LRRC55: variants seen among roughly 807,000 people sequenced by gnomAD.
The protein encoded by LRRC55 is leucine rich repeat containing 55, also known as leucine-rich repeat-containing protein 55.
In LRRC55, 11 loss-of-function variants were observed where a neutral mutation model predicts 20.5. The ratio of observed to expected loss-of-function variants is 0.54; its 90% CI spans 0.34 to 0.89. The LOEUF (loss-of-function observed/expected upper bound fraction) is 0.89. Among genes scored for constraint, LRRC55 ranks in the 40% least tolerant of loss-of-function variants. LRRC55 has a pLI of 0.02. For missense variants in LRRC55, 358 were observed against 390.9 expected (o/e 0.92, Z 0.71); for synonymous variants, 188 against 166.6 (o/e 1.13, Z -0.99).
At chr11:57,184,450 G>T (rs531416963) in intron 1 of LRRC55, among the ~76,000 whole-genome samples, 4 of 152,340 alleles carry the variant, frequency 2.6e-5, no homozygotes, top group African/African-American at 7.2e-5. Flanking sequence ...GAAGGGGACA[G>T]TGACTGTCCA....
Position 57,187,294 on chromosome 11 carries a change from G to A in LRRC55, c.711G>A (p.Pro237=), listed in dbSNP as rs716744. 7.7e-4 allele frequency: 1,249 copies of A among 1,614,080 alleles called. 17 individuals carry two copies. In the Admixed American group the frequency reaches 0.019, roughly 24 times the overall value. ...GCCCTCCTGAAGTCGAGGGCGCCCC[G>A]CTCTTCTCACTCACTGAGGAGAGCT... The part of the protein sequence containing the change: ...CRGPPEVEGA[P]LFSLTEESFK... The change falls in exon 2 of 2, where the codon CCG becomes CCA. Residue 237 remains proline, a synonymous_variant. Coordinates refer to ENST00000497933, the MANE Select transcript of LRRC55 (RefSeq NM_001005210.4).
At chr11:57,186,243 A>T (rs1854429854) in intron 1 of LRRC55, among the ~76,000 whole-genome samples, 1 of 152,196 alleles carries the variant, frequency 6.6e-6, no homozygotes, top group African/African-American at 2.4e-5. Flanking sequence ...TGTATCTGGA[A>T]ATGCAACATA....
rs202181573 is a variant in LRRC55, at chr11:57,187,293, C to T, written c.710C>T (p.Pro237Leu). Reference sequence around the variant, plus strand: ...GGCCCTCCTGAAGTCGAGGGCGCCCCGCTCTTCTCACTCACTGAGGAGAGC... The same window carrying T: ...GGCCCTCCTGAAGTCGAGGGCGCCCTGCTCTTCTCACTCACTGAGGAGAGC... ...CRGPPEVEGA[P>L]LFSLTEESFK... The change falls in exon 2 of 2, where the codon CCG (proline) becomes CTG (leucine). Residue 237 changes from proline (P) to leucine (L), a missense_variant. Physicochemically the swap from Pro to Leu is moderately conservative, Grantham distance 98. Transcript: ENST00000497933. 66 of 1,614,106 alleles carry T rather than the reference C, an allele frequency of 4.1e-5. No individual in the cohort carries two copies. The highest frequency in any genetic ancestry group is 1.3e-4 in the East Asian group (6 of 44,870).
rs762953833 is a variant in LRRC55, at chr11:57,189,140, C to T, written c.*1660C>T. 1.3e-5 allele frequency: 2 copies of T among 152,206 alleles called. No homozygotes were observed. The highest frequency in any genetic ancestry group is 2.9e-5 in the Non-Finnish European group (2 of 68,040). The allele number at this position is 152,206 out of a possible 1,614,324, so 9.4% of individuals were successfully genotyped here. ...AGTATTTTTGCATCATTCTCCTTGACTTTTCACATCCCTGTGCAGGAGGTA... is the reference window on the plus strand; with the variant it reads ...AGTATTTTTGCATCATTCTCCTTGATTTTTCACATCCCTGTGCAGGAGGTA... On this transcript the variant is annotated 3_prime_UTR_variant, in exon 2 of 2. Transcript: ENST00000497933.
In LRRC55 at chr11:57,182,513, T is replaced by A; in HGVS notation, c.491T>A (p.Leu164His). Residue 164 changes from leucine (L) to histidine (H), a missense_variant, in exon 1 of 2, where the codon CTC (leucine) becomes CAC (histidine). By Grantham distance (99) the Leu-to-His change is moderately conservative. Coordinates refer to ENST00000497933, the MANE Select transcript of LRRC55 (RefSeq NM_001005210.4). ...CAGGCCTTTCAGGGCCTCATGCAGC[T>A]CCGAGACCTGGACCTCAGTTATGGG... ...HPQAFQGLMQ[L>H]RDLDLSYGGL... 6.3e-7 allele frequency: 1 copy of A among 1,597,468 alleles called. No homozygotes were observed. The highest frequency in any genetic ancestry group is 8.6e-7 in the Non-Finnish European group (1 of 1,169,030).
At position 57,182,485 on chromosome 11, in the gene LRRC55, C is replaced by T. The variant is rs749376964; in HGVS notation, c.463C>T (p.Pro155Ser). 3.1e-6 allele frequency: 5 copies of T among 1,606,902 alleles called. No individual in the cohort carries two copies. The East Asian group carries it at 8.9e-5, about 29-fold the overall frequency. ...SHNPWLRRVH[P>S]QAFQGLMQLR... ...CAACCCCTGGCTGCGGAGGGTGCAT[C>T]CCCAGGCCTTTCAGGGCCTCATGCA... The change falls in exon 1 of 2, where the codon CCC (proline) becomes TCC (serine). Residue 155 changes from proline to serine, a missense_variant. By Grantham distance (74) the Pro-to-Ser change is moderately conservative. Transcript: ENST00000497933.
chr11:57,182,823 A>C (rs1347961666), intron 1 of LRRC55, 140 bp downstream of exon 1: 2 of 841,718 alleles, frequency 2.4e-6, no homozygotes, highest in Non-Finnish European at 3.3e-6. Flanking sequence ...TTTGTACACC[A>C]GCTCGGCCAA....
At chr11:57,187,006 T>G (rs1215137205) in intron 1 of LRRC55, among the ~76,000 whole-genome samples, 4 of 152,234 alleles carry the variant, frequency 2.6e-5, no homozygotes, top group Non-Finnish European at 4.4e-5. Context: ...CACAGCCAGA[T>G]GACTTTCAGC....
rs148005114 is a variant in LRRC55 at position 57,182,463 on chromosome 11, C to T, written c.441C>T (p.Asn147=). The change falls in exon 1 of 2, where the codon AAC becomes AAT. Residue 147 remains asparagine (N), a synonymous_variant. Coordinates refer to ENST00000497933, the MANE Select transcript of LRRC55 (RefSeq NM_001005210.4). ...HGLVHIDLSH[N]PWLRRVHPQA... ...TAGTCCACATCGACCTGAGCCACAACCCCTGGCTGCGGAGGGTGCATCCCC... is the reference window on the plus strand; with the variant it reads ...TAGTCCACATCGACCTGAGCCACAATCCCTGGCTGCGGAGGGTGCATCCCC... The T allele has an allele frequency of 4.0e-5, 65 of 1,610,828 alleles. No individual in the cohort carries two copies. The highest frequency in any genetic ancestry group is 2.7e-4 in the South Asian group (25 of 91,058).
chr11:57,191,060 T>G lies in LRRC55; in HGVS notation c.*3580T>G, dbSNP rs944444145. On this transcript the variant is annotated 3_prime_UTR_variant, in exon 2 of 2. Transcript: ENST00000497933. ...TGGTCAAGATTTGGGCCAAGAAAAT[T>G]CCTTTTTAGAAGAGCCCTCATATCT... is the stretch of plus-strand genomic sequence containing the variant. The G allele has an allele frequency of 6.6e-6, 1 of 152,126 alleles. No individual in the cohort carries two copies. The highest frequency in any genetic ancestry group is 2.4e-5 in the African/African-American group (1 of 41,416). 9.4% of individuals were successfully genotyped at this position (152,126 alleles called of 1,614,324 possible). A position where few individuals can be genotyped will look rare whatever the true frequency, so the allele number is the denominator to read the frequency against.
In LRRC55 at chr11:57,188,929, G is replaced by T. The variant is rs746631803; in HGVS notation, c.*1449G>T. The T allele has an allele frequency of 1.3e-5, 2 of 152,236 alleles. No homozygotes were observed. Among genetic ancestry groups the T allele is most frequent in the Non-Finnish European group, 2.9e-5 (2 of 68,046 alleles). 9.4% of individuals were successfully genotyped at this position (152,236 alleles called of 1,614,324 possible). On this transcript the variant is annotated 3_prime_UTR_variant, in exon 2 of 2. Transcript: ENST00000497933. Reference sequence around the variant, plus strand: ...AGAGTTGAGTGACTTACCCAAGGTTGTCTGGATAAGCCCTAGAAGGAAGGC... The same window carrying T: ...AGAGTTGAGTGACTTACCCAAGGTTTTCTGGATAAGCCCTAGAAGGAAGGC...
chr11:57,191,694 A>C lies in LRRC55; in HGVS notation c.*4214A>C, dbSNP rs937976772. Reference sequence around the variant, plus strand: ...AATTTTTCATAAATGTACATTAATAATAAAGAGTGTATAGTTTAACAAATT... The same window carrying C: ...AATTTTTCATAAATGTACATTAATACTAAAGAGTGTATAGTTTAACAAATT... On this transcript the variant is annotated 3_prime_UTR_variant, in exon 2 of 2. Transcript: ENST00000497933. 3 of 152,224 alleles carry C rather than the reference A, an allele frequency of 2.0e-5. No individual in the cohort carries two copies. The highest frequency in any genetic ancestry group is 4.4e-5 in the Non-Finnish European group (3 of 68,042). The allele number at this position is 152,224 out of a possible 1,614,324, so 9.4% of individuals were successfully genotyped here. A position where few individuals can be genotyped will look rare whatever the true frequency, so the allele number is the denominator to read the frequency against.
intron 1 of LRRC55, among the ~76,000 whole-genome samples, chr11:57,185,164 G>T (rs1413750226): frequency 1.3e-5 from 2 of 151,408 alleles, no homozygotes. Context: ...ACTGCAGAAT[G>T]AATACATAGC....
chr11:57,183,907 G>T (rs1196429935), intron 1 of LRRC55, among the ~76,000 whole-genome samples: 3 of 152,202 alleles, frequency 2.0e-5, no homozygotes, highest in Non-Finnish European at 4.4e-5. Flanking sequence ...CAGCTCTCCT[G>T]TGTGACAACA....
rs910965407 is a variant in LRRC55, at chr11:57,188,238, A to G, written c.*758A>G. The G allele has an allele frequency of 7.9e-5, 12 of 152,634 alleles. No homozygotes were observed. The highest frequency in any genetic ancestry group is 7.2e-4 in the Admixed American group (11 of 15,286). The allele number at this position is 152,634 out of a possible 1,614,324, so 9.5% of individuals were successfully genotyped here. A position where few individuals can be genotyped will look rare whatever the true frequency, so the allele number is the denominator to read the frequency against. On this transcript the variant is annotated 3_prime_UTR_variant, in exon 2 of 2. Transcript: ENST00000497933. ...TTCAATGCCCTTGCTCCTGCCTCTC[A>G]CTCAAGTTTTGCTTCAGAAGAGAGA...
At position 57,190,314 on chromosome 11, in the gene LRRC55, G is replaced by A. The variant is rs1203808842; in HGVS notation, c.*2834G>A. ...CATTAATGCCAAGCCTTTCTGAACA[G>A]GATACATGGCTTTTAAAGGACAGAT... On this transcript the variant is annotated 3_prime_UTR_variant, in exon 2 of 2. Transcript: ENST00000497933. 2 of 152,146 alleles carry A rather than the reference G, an allele frequency of 1.3e-5. No individual in the cohort carries two copies. The highest frequency in any genetic ancestry group is 4.8e-5 in the African/African-American group (2 of 41,418). 9.4% of individuals were successfully genotyped at this position (152,146 alleles called of 1,614,324 possible). A position where few individuals can be genotyped will look rare whatever the true frequency, so the allele number is the denominator to read the frequency against.
In LRRC55 at chr11:57,182,069, C is replaced by T; in HGVS notation, c.47C>T (p.Pro16Leu). 6.2e-7 allele frequency: 1 copy of T among 1,614,212 alleles called. No individual in the cohort carries two copies. The highest frequency in any genetic ancestry group is 8.5e-7 in the Non-Finnish European group (1 of 1,180,044). ...AQLPWPGPPH[P>L]AMLLISLLLA... ...CTTCCCTGGCCCGGGCCACCCCACC[C>T]AGCAATGCTGCTGATCTCCCTCCTC... The change falls in exon 1 of 2, where the codon CCA becomes CTA. Residue 16 changes from proline (P) to leucine (L), a missense_variant. Coordinates refer to ENST00000497933, the MANE Select transcript of LRRC55 (RefSeq NM_001005210.4).
intron 1 of LRRC55, among the ~76,000 whole-genome samples, chr11:57,183,941 GA>G: frequency 6.6e-6 from 1 of 152,346 alleles, no homozygotes; most frequent in Middle Eastern, 3.4e-3. Context: ...CAAGAACCCA[GA>G]AGTAGTAGCT....
In LRRC55 at chr11:57,189,792, GA is replaced by G. The variant is rs1275926730; in HGVS notation, c.*2315del. The G allele has an allele frequency of 6.6e-6, 1 of 152,176 alleles. No individual in the cohort carries two copies. The highest frequency in any genetic ancestry group is 2.4e-5 in the African/African-American group (1 of 41,424). 9.4% of individuals were successfully genotyped at this position (152,176 alleles called of 1,614,324 possible). ...GGTATTCTATCAGCCCATCCTCCTG[GA>G]AAGCCTGAAAGGAATGAAGGAGGCT... is the stretch of plus-strand genomic sequence containing the variant. On this transcript the variant is annotated 3_prime_UTR_variant, in exon 2 of 2. Coordinates refer to ENST00000497933, the MANE Select transcript of LRRC55 (RefSeq NM_001005210.4).
Sources: allele counts gnomAD v4.1 joint callset (sites outside exome capture counted in the v4.1 genomes callset), GRCh38; gene constraint gnomAD v4.1.1; transcripts MANE v1.5; gene names NCBI Gene and HGNC (gene_info 2026-07-23, HGNC 2026-07-21).